Variants in WDFY3 observed in about 807,000 individuals in gnomAD.
WDFY3 encodes the protein WD repeat and FYVE domain containing 3.
WDFY3 carries 66 observed loss-of-function variants against 409.6 expected under a neutral mutation model. The ratio of observed to expected loss-of-function variants is 0.16; its 90% CI spans 0.13 to 0.20. The LOEUF (loss-of-function observed/expected upper bound fraction) is 0.20. Ranked by LOEUF, WDFY3 falls within the 10% of genes least tolerant of loss-of-function variation. The pLI is 1.00. For missense variants in WDFY3, 3,031 were observed against 4,298.1 expected (o/e 0.71, Z 8.24); for synonymous variants, 1,521 against 1,537.1 (o/e 0.99, Z 0.25).
chr4:84,850,919 TATTTATCTG>T (rs1758832904), intron 4 of WDFY3, among the ~76,000 whole-genome samples: 1 of 143,052 alleles, frequency 7.0e-6, no homozygotes, highest in Non-Finnish European at 1.5e-5. Flanking sequence ...TTTTTAATTT[TATTTATCTG>T]TTTTTTTTTT....
intron 6 of WDFY3, 23 bp downstream of exon 6, chr4:84,841,131 A>G (rs778894931): frequency 5.7e-6 from 9 of 1,567,796 alleles, no homozygotes; most frequent in Non-Finnish European, 7.8e-6. Flanking sequence ...CTGAGTTATC[A>G]AACATGAAAA....
chr4:84,927,017 T>C (rs557860925), intron 2 of WDFY3, among the ~76,000 whole-genome samples: 1 of 152,356 alleles, frequency 6.6e-6, no homozygotes, highest in South Asian at 2.1e-4. Flanking sequence ...GTTTACTTAA[T>C]TTCTGTATAC....
At chr4:84,939,281 G>A (rs1771815956) in intron 1 of WDFY3, among the ~76,000 whole-genome samples, 1 of 152,184 alleles carries the variant, frequency 6.6e-6, no homozygotes, top group Non-Finnish European at 1.5e-5. Flanking sequence ...ATACTACAGA[G>A]GAGATGATGT....
intron 64 of WDFY3, among the ~76,000 whole-genome samples, chr4:84,679,925 G>A (rs1259499488): frequency 4.6e-5 from 7 of 151,472 alleles, no homozygotes; most frequent in African/African-American, 1.5e-4. Flanking sequence ...GAATCTTGCT[G>A]TGTCACCCAG....
intron 1 of WDFY3, among the ~76,000 whole-genome samples, chr4:84,943,730 G>A (rs1487366915): frequency 6.6e-6 from 1 of 152,022 alleles, no homozygotes; most frequent in Non-Finnish European, 1.5e-5. Context: ...AAAAAAAACT[G>A]CTCTTTAAAG....
intron 13 of WDFY3, among the ~76,000 whole-genome samples, chr4:84,812,290 T>C (rs1324085047): frequency 6.6e-6 from 1 of 152,172 alleles, no homozygotes; most frequent in African/African-American, 2.4e-5. Flanking sequence ...TAATAAACTA[T>C]ATGAATACTT....
At position 84,854,433 on chromosome 4, in the gene WDFY3, C is replaced by T. The variant is rs189274101; in HGVS notation, c.181-4408G>A. Among the ~76,000 whole-genome samples, 4 of 152,280 alleles carry T rather than the reference C, an allele frequency of 2.6e-5. No homozygotes were observed. In the East Asian group the frequency reaches 5.8e-4, roughly 22 times the overall value. On this transcript the variant is annotated intron_variant, in intron 4 of 67. Transcript: ENST00000295888. ...TAGTTTTGGTGATTGACTTCAACAA[C>T]TGAATCTAAAAATATTATGTATGTG...
intron 2 of WDFY3, among the ~76,000 whole-genome samples, chr4:84,917,272 C>G (rs943584368): frequency 2.6e-5 from 4 of 152,112 alleles, no homozygotes; most frequent in Non-Finnish European, 5.9e-5. Context: ...GTGCCAAGAC[C>G]ATTGAAAAGA....
At chr4:84,906,942 T>C (rs941457098) in intron 2 of WDFY3, among the ~76,000 whole-genome samples, 3 of 152,226 alleles carry the variant, frequency 2.0e-5, no homozygotes, top group African/African-American at 7.2e-5. Flanking sequence ...AAATCCTATG[T>C]AAATTTTTGT....
At chr4:84,812,124 T>C (rs1469553129) in intron 13 of WDFY3, among the ~76,000 whole-genome samples, 3 of 152,180 alleles carry the variant, frequency 2.0e-5, no homozygotes, top group African/African-American at 7.2e-5. Flanking sequence ...GATTTCATTG[T>C]TCACACCTAT....
chr4:84,960,923 C>G (rs895084148), intron 1 of WDFY3, among the ~76,000 whole-genome samples: 1 of 152,108 alleles, frequency 6.6e-6, no homozygotes, highest in African/African-American at 2.4e-5. Flanking sequence ...ACTAAAACTA[C>G]GTGAAATTTC....
intron 3 of WDFY3, among the ~76,000 whole-genome samples, chr4:84,887,562 C>T (rs1384592777): frequency 2.0e-5 from 3 of 152,138 alleles, no homozygotes; most frequent in Non-Finnish European, 1.5e-5. Flanking sequence ...AGTTTTCGTC[C>T]AGGAAATATA....
At chr4:84,690,753 A>C in intron 60 of WDFY3, 89 bp from the exon 61 acceptor site, 1 of 1,434,826 alleles carries the variant, frequency 7.0e-7, no homozygotes, top group Non-Finnish European at 9.2e-7. Flanking sequence ...GTGAAGGTGC[A>C]GGCACCTCAC....
intron 62 of WDFY3, among the ~76,000 whole-genome samples, chr4:84,686,081 A>T (rs1292434735): frequency 6.6e-6 from 1 of 152,322 alleles, no homozygotes; most frequent in African/African-American, 2.4e-5. Context: ...CGAGGCGGGC[A>T]GATCACAAGG....
At chr4:84,795,868 A>AT (rs1749348792) in intron 19 of WDFY3, among the ~76,000 whole-genome samples, 1 of 151,970 alleles carries the variant, frequency 6.6e-6, no homozygotes, top group South Asian at 2.1e-4. Flanking sequence ...ATTCTTATAG[A>AT]TTTTTTAGAT....
chr4:84,722,524 G>A (rs746062441), intron 46 of WDFY3, among the ~76,000 whole-genome samples: 1 of 152,140 alleles, frequency 6.6e-6, no homozygotes, highest in Non-Finnish European at 1.5e-5. Context: ...TACCAGGTCA[G>A]AAAGAACAGA....
intron 4 of WDFY3, among the ~76,000 whole-genome samples, chr4:84,850,455 T>A (rs201609040): frequency 6.6e-6 from 1 of 152,140 alleles, no homozygotes; most frequent in Non-Finnish European, 1.5e-5. Flanking sequence ...TAGCTGGGAC[T>A]ACAGGTGCAT....
At chr4:84,735,231 C>T (rs1359901899) in intron 42 of WDFY3, 111 bp from the exon 43 acceptor site, 9 of 998,682 alleles carry the variant, frequency 9.0e-6, no homozygotes, top group Non-Finnish European at 1.3e-5. Flanking sequence ...GCCAAAAGCA[C>T]CAAAACAGAA....
At position 84,677,418 on chromosome 4, in the gene WDFY3, A is replaced by C. The variant is rs771377810; in HGVS notation, c.10260-22T>G. 5.1e-6 allele frequency: 8 copies of C among 1,571,568 alleles called. No individual in the cohort carries two copies. In the Admixed American group the frequency reaches 1.1e-4, roughly 22 times the overall value. On this transcript the variant is annotated intron_variant, in intron 66 of 67. Transcript: ENST00000295888. ...ATCCCTGCAGGAGACACGACAGAGG[A>C]GGTCACTGCACGGAAGGCTTCTGTG... is the stretch of plus-strand genomic sequence containing the variant.
Sources: allele counts gnomAD v4.1 joint callset (sites outside exome capture counted in the v4.1 genomes callset), GRCh38; gene constraint gnomAD v4.1.1; transcripts MANE v1.5; gene names NCBI Gene and HGNC (gene_info 2026-07-23, HGNC 2026-07-21).